Variants in FAM107B observed in about 807,000 individuals in gnomAD.
The protein encoded by FAM107B is family with sequence similarity 107 member B.
FAM107B carries 21 observed loss-of-function variants against 31.5 expected under a neutral mutation model. That is an observed-to-expected ratio of 0.67 (90% CI 0.47 to 0.96). The LOEUF is 0.96. Among genes scored for constraint, FAM107B ranks in the 40% least tolerant of loss-of-function variants. The pLI, the probability that FAM107B is intolerant of heterozygous loss-of-function variation, is 0.00. For missense variants in FAM107B, 452 were observed against 377.1 expected, an observed-to-expected ratio of 1.20 and a Z score of -1.64; for synonymous variants, 157 against 141.5, an observed-to-expected ratio of 1.11 and a Z score of -0.78.
chr10:14,675,523 C>T (rs1315515802), intron 1 of FAM107B, among the ~76,000 whole-genome samples: 3 of 152,074 alleles, frequency 2.0e-5, no homozygotes, highest in Non-Finnish European at 4.4e-5. Context: ...AGCCTATGAC[C>T]GATTAATGGC....
At chr10:14,579,405 G>A (rs971848469) in intron 2 of FAM107B, among the ~76,000 whole-genome samples, 2 of 152,228 alleles carry the variant, frequency 1.3e-5, no homozygotes, top group African/African-American at 4.8e-5. Flanking sequence ...GTAAAGCAGT[G>A]CATATCTAAA....
At chr10:14,622,393 T>C (rs565542443) in intron 2 of FAM107B, among the ~76,000 whole-genome samples, 167 of 150,392 alleles carry the variant, frequency 1.1e-3, no homozygotes, top group African/African-American at 3.9e-3. Context: ...CTGCAACCTC[T>C]GCCTCCCTGG....
intron 2 of FAM107B, among the ~76,000 whole-genome samples, chr10:14,538,267 G>A (rs1399857901): frequency 1.3e-5 from 2 of 152,194 alleles, no homozygotes; most frequent in Admixed American, 6.5e-5. Context: ...TTATAAGAAT[G>A]TTAATGGCAG....
intron 1 of FAM107B, among the ~76,000 whole-genome samples, chr10:14,755,560 C>A (rs1303770276): frequency 2.0e-5 from 3 of 151,666 alleles, no homozygotes; most frequent in African/African-American, 4.8e-5. Context: ...CTGTAGACAC[C>A]ATGCTACACA....
rs918981225 is a variant in FAM107B at position 14,572,215 on chromosome 10, T to C, written c.470-41700A>G. The C allele has an allele frequency of 3.0e-6, 3 of 985,320 alleles. No individual in the cohort carries two copies. In the African/African-American group the frequency reaches 5.2e-5, roughly 17 times the overall value. The allele number at this position is 985,320 out of a possible 1,614,324, so 61.0% of individuals were successfully genotyped here. A position where few individuals can be genotyped will look rare whatever the true frequency, so the allele number is the denominator to read the frequency against. On this transcript the variant is annotated intron_variant, in intron 2 of 4. Coordinates refer to ENST00000181796, the MANE Select transcript of FAM107B (RefSeq NM_031453.4). The stretch of plus-strand genomic sequence containing the variant: ...GAAAAACAAACCGTACCAACTCTGG[T>C]ACCAGTTACTGACCTTCCAGACCAA...
intron 1 of FAM107B, among the ~76,000 whole-genome samples, chr10:14,759,913 T>C (rs1307695443): frequency 6.6e-6 from 1 of 152,166 alleles, no homozygotes; most frequent in African/African-American, 2.4e-5. Context: ...GGTTCCACCA[T>C]GTTGGCCGGG....
At chr10:14,722,423 C>G (rs1007886698) in intron 1 of FAM107B, among the ~76,000 whole-genome samples, 9 of 152,158 alleles carry the variant, frequency 5.9e-5, no homozygotes, top group Non-Finnish European at 1.2e-4. Flanking sequence ...ATATTCCATG[C>G]TGCTTTTCCA....
At chr10:14,535,199 A>T (rs1264873150) in intron 2 of FAM107B, among the ~76,000 whole-genome samples, 1 of 152,230 alleles carries the variant, frequency 6.6e-6, no homozygotes, top group African/African-American at 2.4e-5. Context: ...GTATTAAGTC[A>T]ATTAAGGAAA....
At chr10:14,536,138 A>G (rs1847580972) in intron 2 of FAM107B, among the ~76,000 whole-genome samples, 1 of 152,220 alleles carries the variant, frequency 6.6e-6, no homozygotes, top group East Asian at 1.9e-4. Flanking sequence ...TCAAAACCTA[A>G]TCCTCTAAGA....
At chr10:14,559,481 A>G (rs1850042574) in intron 2 of FAM107B, among the ~76,000 whole-genome samples, 1 of 152,038 alleles carries the variant, frequency 6.6e-6, no homozygotes, top group Admixed American at 6.5e-5. Flanking sequence ...AAAAAAAAAA[A>G]AGAGGAGGCA....
chr10:14,599,943 G>A (rs1187261775), intron 2 of FAM107B, among the ~76,000 whole-genome samples: 1 of 151,306 alleles, frequency 6.6e-6, no homozygotes, highest in Non-Finnish European at 1.5e-5. Flanking sequence ...AAAGCTGAAA[G>A]ATTTATTTTC....
In FAM107B at chr10:14,734,488, G is replaced by GTGTTTTTGTTTTGTTT. The variant is rs558940939; in HGVS notation, c.411+39764_411+39765insAAACAAAACAAAAACA. Reference sequence around the variant, plus strand: ...AAACATAATGAAATCTTTTTGTGAGGTTTTTTTTTTTTTTTTAGCTCATCA... The same window carrying GTGTTTTTGTTTTGTTT: ...AAACATAATGAAATCTTTTTGTGAGGTGTTTTTGTTTTGTTTTTTTTTTTTTTTTTTTAGCTCATCA... On this transcript the variant is annotated intron_variant, in intron 1 of 4. Transcript: ENST00000181796. Among the ~76,000 whole-genome samples, 278 of 138,550 alleles carry GTGTTTTTGTTTTGTTT rather than the reference G, an allele frequency of 2.0e-3. 3 individuals are homozygous for GTGTTTTTGTTTTGTTT. Among genetic ancestry groups the GTGTTTTTGTTTTGTTT allele is most frequent in the African/African-American group, 7.3e-3 (271 of 36,906 alleles). The allele number at this position is 138,550 out of a possible 152,430, so 90.9% of individuals were successfully genotyped here.
At position 14,694,470 on chromosome 10, in the gene FAM107B, G is replaced by T. The variant is rs571238878; in HGVS notation, c.412-26779C>A. ...GTGATCTTGGCTCACTGCAACCTCT[G>T]CCTCCTGGGTTCAAGCGATTCTCCT... is the stretch of plus-strand genomic sequence containing the variant. On this transcript the variant is annotated intron_variant, in intron 1 of 4. Coordinates refer to ENST00000181796, the MANE Select transcript of FAM107B (RefSeq NM_031453.4). Among the ~76,000 whole-genome samples the T allele has an allele frequency of 3.3e-5, 5 of 152,220 alleles. No homozygotes were observed. The East Asian group carries it at 7.7e-4, about 24-fold the overall frequency.
chr10:14,652,118 A>G (rs1853916103), intron 2 of FAM107B, among the ~76,000 whole-genome samples: 1 of 150,522 alleles, frequency 6.6e-6, no homozygotes, highest in South Asian at 2.1e-4. Flanking sequence ...GATGGAGTGA[A>G]GTCAGATCTA....
chr10:14,722,325 G>A (rs1394171875), intron 1 of FAM107B, among the ~76,000 whole-genome samples: 2 of 152,128 alleles, frequency 1.3e-5, no homozygotes, highest in Non-Finnish European at 2.9e-5. Context: ...CTTTCACTTA[G>A]CATAATGTTT....
chr10:14,592,058 C>G (rs1852038197), intron 2 of FAM107B, among the ~76,000 whole-genome samples: 1 of 152,202 alleles, frequency 6.6e-6, no homozygotes. Context: ...AAAGCCATTT[C>G]TAAGTGAATA....
chr10:14,553,841 G>A (rs1292323724), intron 2 of FAM107B, among the ~76,000 whole-genome samples: 1 of 152,154 alleles, frequency 6.6e-6, no homozygotes, highest in Non-Finnish European at 1.5e-5. Flanking sequence ...ACAACACTCT[G>A]AGGTAGGTTC....
In FAM107B at chr10:14,774,706, A is replaced by G. The variant is rs774025133; in HGVS notation, c.-43T>C. ...TGCAAAGTTCAAACGGGGCAAGGAA[A>G]TTTTCCAGGGGTCCACATCACCTCC... On this transcript the variant is annotated 5_prime_UTR_variant, in exon 1 of 5. Transcript: ENST00000181796. 12 of 1,576,396 alleles carry G rather than the reference A, an allele frequency of 7.6e-6. No homozygotes were observed. In the South Asian group the frequency reaches 9.5e-5, roughly 12 times the overall value.
At chr10:14,591,052 C>G (rs1564590328) in intron 2 of FAM107B, among the ~76,000 whole-genome samples, 1 of 145,188 alleles carries the variant, frequency 6.9e-6, no homozygotes, top group East Asian at 2.1e-4. Flanking sequence ...AAACACAAAA[C>G]TATTTCAGAT....
Sources: allele counts gnomAD v4.1 joint callset (sites outside exome capture counted in the v4.1 genomes callset), GRCh38; gene constraint gnomAD v4.1.1; transcripts MANE v1.5; gene names NCBI Gene and HGNC (gene_info 2026-07-23, HGNC 2026-07-21).